The following MYO5C variants were observed in gnomAD, a reference collection of about 807,000 sequenced individuals.
MYO5C encodes myosin VC.
In MYO5C, 194 loss-of-function variants were observed where a neutral mutation model predicts 235.7. The observed-to-expected ratio is 0.82, with a 90% CI of 0.73 to 0.93. MYO5C has a LOEUF of 0.93. Among genes scored for constraint, MYO5C ranks in the 40% least tolerant of loss-of-function variants. The pLI, the probability that MYO5C is intolerant of heterozygous loss-of-function variation, is 0.00. For synonymous variants in MYO5C, 707 were observed against 754.8 expected (o/e 0.94, Z 1.04); for missense variants, 2,038 against 2,127.2 (o/e 0.96, Z 0.82).
chr15:52,225,054 T>C (rs767366738), intron 27 of MYO5C, 21 bp downstream of exon 27: 3 of 1,613,934 alleles, frequency 1.9e-6, no homozygotes, highest in East Asian at 2.2e-5. Context: ...TTAAAATGTT[T>C]GATAATGCAA....
chr15:52,292,359 G>A (rs566895879), intron 1 of MYO5C, among the ~76,000 whole-genome samples: 3 of 152,188 alleles, frequency 2.0e-5, no homozygotes, highest in South Asian at 2.1e-4. Flanking sequence ...TAATAAAGGC[G>A]GTTGAACCAA....
At chr15:52,224,846 T>A in intron 28 of MYO5C, 55 bp downstream of exon 28, 3 of 1,461,858 alleles carry the variant, frequency 2.1e-6, no homozygotes, top group Non-Finnish European at 2.8e-6. Context: ...GACTTTCCAA[T>A]AGTCTATTTA....
chr15:52,203,281 G>A (rs1179582433), intron 38 of MYO5C, among the ~76,000 whole-genome samples: 1 of 151,986 alleles, frequency 6.6e-6, no homozygotes, highest in Non-Finnish European at 1.5e-5. Context: ...GGAGAATAGG[G>A]TATCCATTTC....
chr15:52,277,553 C>A (rs567994790), intron 4 of MYO5C, among the ~76,000 whole-genome samples: 2 of 152,208 alleles, frequency 1.3e-5, no homozygotes, highest in Non-Finnish European at 2.9e-5. Context: ...TGAAAGACTG[C>A]ACATCCCAGC....
rs746812554 is a variant in MYO5C at position 52,204,987 on chromosome 15, G to C, written c.4698C>G (p.Gly1566=). 16 of 1,614,206 alleles carry C rather than the reference G, an allele frequency of 9.9e-6. No individual in the cohort carries two copies. The highest frequency in any genetic ancestry group is 1.4e-5 in the Non-Finnish European group (16 of 1,180,026). The change falls in exon 38 of 41, where the codon GGC becomes GGG. Residue 1566 remains glycine (G), a synonymous_variant. Transcript: ENST00000261839. The part of the protein sequence containing the change: ...SYFYTTMCQN[G]LDPELVRQAV... The stretch of plus-strand genomic sequence containing the variant: ...CCTGCCTCACAAGCTCGGGGTCCAG[G>C]CCGTTCTGGCACATGGTGGTGTAAA...
chr15:52,218,477 G>C (rs754979314), intron 32 of MYO5C, 42 bp downstream of exon 32: 17 of 1,595,776 alleles, frequency 1.1e-5, no homozygotes, highest in Middle Eastern at 1.7e-4. Flanking sequence ...AGCAACATCT[G>C]CACACAGACA....
chr15:52,286,030 C>T (rs1434428221), intron 1 of MYO5C, among the ~76,000 whole-genome samples: 2 of 152,052 alleles, frequency 1.3e-5, no homozygotes, highest in African/African-American at 2.4e-5. Context: ...ATGTGGGGAG[C>T]GCCTCTGCCC....
chr15:52,235,391 G>A (rs1211561168), intron 23 of MYO5C, among the ~76,000 whole-genome samples: 1 of 152,174 alleles, frequency 6.6e-6, no homozygotes, highest in Non-Finnish European at 1.5e-5. Context: ...AAAAGCTCCG[G>A]GCTCATGGTC....
intron 22 of MYO5C, chr15:52,237,275 C>G: frequency 3.9e-6 from 2 of 514,274 alleles, no homozygotes; most frequent in Admixed American, 7.5e-5. Flanking sequence ...TGTTGCATTT[C>G]TCTCATTATT....
chr15:52,246,082 A>C, intron 16 of MYO5C, 40 bp from the exon 17 acceptor site: 1 of 1,519,036 alleles, frequency 6.6e-7, no homozygotes, highest in South Asian at 1.1e-5. Flanking sequence ...AGGCATCGTA[A>C]TTGCTCAACA....
At chr15:52,247,627 G>C in intron 14 of MYO5C, 35 bp from the exon 15 acceptor site, 1 of 1,610,816 alleles carries the variant, frequency 6.2e-7, no homozygotes. Context: ...ATGTCCAAAA[G>C]CAACTGCCCA....
intron 24 of MYO5C, among the ~76,000 whole-genome samples, chr15:52,230,039 T>G (rs908071491): frequency 1.3e-5 from 2 of 152,214 alleles, no homozygotes; most frequent in African/African-American, 4.8e-5. Context: ...GGAGGTTTGT[T>G]TGATCCTAAA....
chr15:52,231,412 C>T (rs111289105), intron 24 of MYO5C, among the ~76,000 whole-genome samples: 86 of 152,330 alleles, frequency 5.6e-4, no homozygotes, highest in African/African-American at 2.0e-3. Flanking sequence ...CCTGGCTCTC[C>T]AAGACCCCTG....
chr15:52,293,581 C>G (rs2037439194), intron 1 of MYO5C, among the ~76,000 whole-genome samples: 1 of 152,168 alleles, frequency 6.6e-6, no homozygotes, highest in African/African-American at 2.4e-5. Context: ...CACCACCCTG[C>G]TGTCTCTCAT....
At chr15:52,261,847 CAGG>C (rs1354155627) in intron 9 of MYO5C, among the ~76,000 whole-genome samples, 2 of 152,242 alleles carry the variant, frequency 1.3e-5, no homozygotes, top group African/African-American at 4.8e-5. Flanking sequence ...CTCTCTCAGG[CAGG>C]AGAACTCCCA....
chr15:52,287,644 T>C (rs2037303181), intron 1 of MYO5C, among the ~76,000 whole-genome samples: 1 of 152,200 alleles, frequency 6.6e-6, no homozygotes, highest in Admixed American at 6.5e-5. Context: ...CCAAGTTGTT[T>C]GTCAAACTCC....
intron 29 of MYO5C, among the ~76,000 whole-genome samples, chr15:52,222,682 T>TA (rs1349247196): frequency 2.0e-5 from 3 of 151,832 alleles, no homozygotes; most frequent in Non-Finnish European, 2.9e-5. Flanking sequence ...AGGGTCTTTG[T>TA]AAGTCTGACT....
At chr15:52,242,476 T>A (rs758771695) in intron 19 of MYO5C, 1 of 422,168 alleles carries the variant, frequency 2.4e-6, no homozygotes, top group South Asian at 3.1e-5. Flanking sequence ...ACAGAGACGA[T>A]GATGAGACTG....
intron 5 of MYO5C, among the ~76,000 whole-genome samples, chr15:52,275,128 C>T (rs914199408): frequency 6.6e-6 from 1 of 152,202 alleles, no homozygotes; most frequent in African/African-American, 2.4e-5. Flanking sequence ...GTGGCCTCTG[C>T]CAAGGCAGAA....
Sources: allele counts gnomAD v4.1 joint callset (sites outside exome capture counted in the v4.1 genomes callset), GRCh38; gene constraint gnomAD v4.1.1; transcripts MANE v1.5; gene names NCBI Gene and HGNC (gene_info 2026-07-23, HGNC 2026-07-21).